DNAJC17: variants seen among roughly 807,000 people sequenced by gnomAD.
The protein encoded by DNAJC17 is DnaJ heat shock protein family (Hsp40) member C17.
In DNAJC17, 35 loss-of-function variants were observed where a neutral mutation model predicts 48.1. The ratio of observed to expected loss-of-function variants is 0.73; its 90% CI spans 0.56 to 0.96. DNAJC17 has a LOEUF of 0.96. Ranked by LOEUF, DNAJC17 falls within the 50% of genes least tolerant of loss-of-function variation. The probability of loss-of-function intolerance (pLI) is 0.00; values close to 1 mark genes in which losing one functional copy is unlikely to be tolerated. For synonymous variants in DNAJC17, 117 were observed against 142.7 expected (o/e 0.82, Z 1.28); for missense variants, 355 against 377.1 (o/e 0.94, Z 0.48).
Position 40,770,737 on chromosome 15 carries a change from A to G in DNAJC17, c.793-2675T>C. ...CGGGCCACCCTGCTGGCCCCACCCA[A>G]GCCCCCACGCCTCTACCGAGAGAGC... On this transcript the variant is annotated intron_variant, in intron 10 of 10. Coordinates refer to ENST00000220496, the MANE Select transcript of DNAJC17 (RefSeq NM_018163.3). The surrounding 1 kb of genome is among the most constrained non-coding windows in gnomAD (Gnocchi z 5.0). 1 of 1,545,440 alleles carries G rather than the reference A, an allele frequency of 6.5e-7. No individual in the cohort carries two copies. Among genetic ancestry groups the G allele is most frequent in the Non-Finnish European group, 8.7e-7 (1 of 1,146,898 alleles).
chr15:40,767,466 C>T lies in DNAJC17; in HGVS notation c.*474G>A, dbSNP rs1888976640. ...TCCTCTCTTCCCAAATCATCACCGC[C>T]ATGGGCCCAGCCCCAAAGGGCAGTG... On this transcript the variant is annotated 3_prime_UTR_variant, in exon 11 of 11. Transcript: ENST00000220496. The T allele has an allele frequency of 1.6e-6, 2 of 1,214,236 alleles. No individual in the cohort carries two copies. The highest frequency in any genetic ancestry group is 3.2e-5 in the South Asian group (2 of 62,660). The allele number at this position is 1,214,236 out of a possible 1,614,324, so 75.2% of individuals were successfully genotyped here. A position where few individuals can be genotyped will look rare whatever the true frequency, so the allele number is the denominator to read the frequency against.
At position 40,807,141 on chromosome 15, in the gene DNAJC17, G is replaced by A. The variant is rs1404111226; in HGVS notation, c.78+228C>T. On this transcript the variant is annotated intron_variant, in intron 1 of 10. Transcript: ENST00000220496. Reference sequence around the variant, plus strand: ...CTAGGAGACAGGGGCCACGGGGAGAGCACAGCCACCCGGCGCGAAGAGCCC... The same window carrying A: ...CTAGGAGACAGGGGCCACGGGGAGAACACAGCCACCCGGCGCGAAGAGCCC... 8.1e-6 allele frequency: 9 copies of A among 1,110,312 alleles called. No individual in the cohort carries two copies. The East Asian group carries it at 2.3e-4, about 29-fold the overall frequency. 68.8% of individuals were successfully genotyped at this position (1,110,312 alleles called of 1,614,324 possible). A position where few individuals can be genotyped will look rare whatever the true frequency, so the allele number is the denominator to read the frequency against.
rs570486748 is a variant in DNAJC17 at position 40,769,444 on chromosome 15, C to T, written c.793-1382G>A. ...GCCAAGAGGAGGCCACATCTCCCAT[C>T]CCCAGGTTAATGCTGCTCTGCCAAG... On this transcript the variant is annotated intron_variant, in intron 10 of 10. Transcript: ENST00000220496. This position sits in a 1 kb window ranked among gnomAD's most constrained non-coding sequence, Gnocchi z 4.2. Among the ~76,000 whole-genome samples, 181 of 152,366 alleles carry T rather than the reference C, an allele frequency of 1.2e-3. No individual in the cohort carries two copies. The highest frequency in any genetic ancestry group is 6.8e-3 in the Middle Eastern group (2 of 294).
Position 40,770,692 on chromosome 15 carries a change from T to C in DNAJC17, c.793-2630A>G. ...AGGCCAGATGGCCGGCGCCTGCCAC[T>C]GTGGGGGGACGAGCAGCCCCGGGCC... is the stretch of plus-strand genomic sequence containing the variant. On this transcript the variant is annotated intron_variant, in intron 10 of 10. Transcript: ENST00000220496. This position sits in a 1 kb window ranked among gnomAD's most constrained non-coding sequence, Gnocchi z 5.0. 2 of 1,548,286 alleles carry C rather than the reference T, an allele frequency of 1.3e-6. No homozygotes were observed. The highest frequency in any genetic ancestry group is 1.7e-6 in the Non-Finnish European group (2 of 1,146,914).
chr15:40,780,250 G>T, intron 1 of DNAJC17: 2 of 631,884 alleles, frequency 3.2e-6, no homozygotes, highest in Non-Finnish European at 5.9e-6. Context: ...ATGTCCAGGG[G>T]CTGCTGCAAC....
intron 1 of DNAJC17, among the ~76,000 whole-genome samples, chr15:40,784,788 G>C (rs1222465503): frequency 6.6e-6 from 1 of 152,094 alleles, no homozygotes; most frequent in Non-Finnish European, 1.5e-5. Flanking sequence ...CCAACAGATG[G>C]AAATACAAAA....
intron 7 of DNAJC17, 98 bp from the exon 8 acceptor site, chr15:40,775,206 A>C (rs879506648): frequency 9.6e-5 from 127 of 1,319,276 alleles, no homozygotes; most frequent in Non-Finnish European, 1.3e-4. Context: ...CCCACCCTCC[A>C]AGCCTCCAAG....
intron 1 of DNAJC17, among the ~76,000 whole-genome samples, chr15:40,796,663 G>A (rs1347588861): frequency 6.6e-6 from 1 of 152,206 alleles, no homozygotes; most frequent in Non-Finnish European, 1.5e-5. Context: ...AAGGTTAAAT[G>A]GCACAGCCAT....
chr15:40,780,188 A>G (rs1205375388), intron 1 of DNAJC17, 191 bp from the exon 2 acceptor site: 1 of 682,948 alleles, frequency 1.5e-6, no homozygotes, highest in Admixed American at 2.0e-5. Flanking sequence ...ACTGTCGCCC[A>G]GCACAGGAGC....
chr15:40,789,276 C>T (rs866035616), intron 1 of DNAJC17, among the ~76,000 whole-genome samples: 2 of 152,040 alleles, frequency 1.3e-5, no homozygotes, highest in Non-Finnish European at 2.9e-5. Context: ...GCTCTGGTTC[C>T]TCAGCCAATC....
chr15:40,774,847 A>G, intron 8 of DNAJC17, 184 bp downstream of exon 8: 1 of 656,330 alleles, frequency 1.5e-6, no homozygotes. Context: ...GCACATGGCC[A>G]CACAAGTGAA....
intron 1 of DNAJC17, among the ~76,000 whole-genome samples, chr15:40,791,776 C>T (rs1490022055): frequency 6.6e-6 from 1 of 151,406 alleles, no homozygotes; most frequent in Non-Finnish European, 1.5e-5. Context: ...ACTCAGGAGG[C>T]GGAGGTTGCA....
At chr15:40,795,806 C>T (rs1013911000) in intron 1 of DNAJC17, among the ~76,000 whole-genome samples, 1 of 152,098 alleles carries the variant, frequency 6.6e-6, no homozygotes, top group Non-Finnish European at 1.5e-5. Context: ...GCAGGAGAAT[C>T]GCTTGAACCC....
intron 1 of DNAJC17, among the ~76,000 whole-genome samples, chr15:40,801,864 A>C (rs996805393): frequency 1.3e-5 from 2 of 152,220 alleles, no homozygotes; most frequent in Admixed American, 1.3e-4. Context: ...GAGAGGCTCA[A>C]TAGATCAGAA....
intron 1 of DNAJC17, among the ~76,000 whole-genome samples, chr15:40,796,890 G>A (rs186102689): frequency 6.6e-6 from 1 of 152,190 alleles, no homozygotes; most frequent in Non-Finnish European, 1.5e-5. Flanking sequence ...GAGTAAAGTA[G>A]CTGGGACTAC....
Position 40,767,465 on chromosome 15 carries a change from C to T in DNAJC17, c.*475G>A, listed in dbSNP as rs985303127. 5 of 1,212,822 alleles carry T rather than the reference C, an allele frequency of 4.1e-6. No individual in the cohort carries two copies. In the East Asian group the frequency reaches 1.1e-4, roughly 27 times the overall value. 75.1% of individuals were successfully genotyped at this position (1,212,822 alleles called of 1,614,324 possible). A position where few individuals can be genotyped will look rare whatever the true frequency, so the allele number is the denominator to read the frequency against. ...CTCCTCTCTTCCCAAATCATCACCG[C>T]CATGGGCCCAGCCCCAAAGGGCAGT... On this transcript the variant is annotated 3_prime_UTR_variant, in exon 11 of 11. Coordinates refer to ENST00000220496, the MANE Select transcript of DNAJC17 (RefSeq NM_018163.3).
intron 1 of DNAJC17, among the ~76,000 whole-genome samples, chr15:40,804,656 G>C (rs1300438919): frequency 6.6e-6 from 1 of 152,076 alleles, no homozygotes; most frequent in Non-Finnish European, 1.5e-5. Flanking sequence ...CTAATTAATA[G>C]AGAATGACTT....
In DNAJC17 at chr15:40,779,973, C is replaced by T. The variant is rs757060248; in HGVS notation, c.103G>A (p.Ala35Thr). The T allele has an allele frequency of 1.1e-5, 17 of 1,614,126 alleles. No individual in the cohort carries two copies. The Admixed American group carries it at 2.7e-4, about 25-fold the overall frequency. ...TTTTTGTCTGGGTGGCAGGAGAGGG[C>T]CTTCTGCCTATACGCCTTCTTTACC... The part of the protein sequence containing the change: ...KEVKKAYRQK[A>T]LSCHPDKNPD... The change falls in exon 2 of 11, where the codon GCC (alanine) becomes ACC (threonine). Residue 35 changes from alanine (A) to threonine (T), a missense_variant. Around this residue, in one of 3 missense-constraint regions of DNAJC17, gnomAD observed 199 missense variants for 199.9 expected, o/e 1.00. Transcript: ENST00000220496.
intron 1 of DNAJC17, among the ~76,000 whole-genome samples, chr15:40,782,171 C>T (rs797004495): frequency 1.3e-4 from 20 of 152,188 alleles, no homozygotes; most frequent in African/African-American, 4.6e-4. Flanking sequence ...CTGTAGTGAG[C>T]ATGTTCACAC....
Sources: gnomAD v4.1 joint callset for allele counts (sites outside exome capture counted in the v4.1 genomes callset) on GRCh38, gnomAD v4.1.1 for gene constraint, gnomAD v4.1.1 regional missense constraint, Gnocchi (gnomAD v3.1) non-coding constraint, MANE v1.5 for transcripts, NCBI Gene and HGNC (gene_info 2026-07-23, HGNC 2026-07-21) for gene names.